Variants in EPB41L1 observed in about 807,000 individuals in gnomAD.
EPB41L1 encodes band 4.1-like protein 1.
EPB41L1 carries 29 observed loss-of-function variants against 97.8 expected under a neutral mutation model. That is an observed-to-expected ratio of 0.30 (90% confidence interval 0.22 to 0.40). The LOEUF (loss-of-function observed/expected upper bound fraction) is 0.40. Ranked by LOEUF, EPB41L1 falls within the 10% of genes least tolerant of loss-of-function variation. The probability of loss-of-function intolerance (pLI) is 1.00; values close to 1 mark genes in which losing one functional copy is unlikely to be tolerated. For synonymous variants in EPB41L1, 383 were observed against 459.2 expected, an observed-to-expected ratio of 0.83 and a Z score of 2.12; for missense variants, 812 against 1,162.3, an observed-to-expected ratio of 0.70 and a Z score of 4.38.
At chr20:36,155,899 T>TCCCAC (rs1259198595) in intron 1 of EPB41L1, 13 of 247,850 alleles carry the variant, frequency 5.2e-5, no homozygotes, top group Non-Finnish European at 9.9e-5. Context: ...TTGGCTTCAT[T>TCCCAC]CCCACCCCAT....
chr20:36,154,723 G>C, upstream of EPB41L1: 1 of 985,396 alleles, frequency 1.0e-6, no homozygotes, highest in Non-Finnish European at 1.2e-6. The surrounding 1 kb of genome is among the most constrained non-coding windows in gnomAD (Gnocchi z 5.5). Flanking sequence ...AGCCGCCGCC[G>C]CCGCCGCCGC....
At chr20:36,115,224 T>G (rs2058547711) in intron 2 of EPB41L1, among the ~76,000 whole-genome samples, 1 of 152,160 alleles carries the variant, frequency 6.6e-6, no homozygotes, top group Non-Finnish European at 1.5e-5. Flanking sequence ...TTTGAGTAAG[T>G]AAGGGAGCTG....
Position 36,198,025 on chromosome 20 carries a change from C to T in EPB41L1, c.1652C>T (p.Pro551Leu). Residue 551 changes from proline (P) to leucine (L), a missense_variant, in exon 14 of 22, where the codon CCT becomes CTT. Physicochemically the swap from Pro to Leu is moderately conservative, Grantham distance 98 (BLOSUM62 -3). Around this residue, in one of 3 missense-constraint regions of EPB41L1, gnomAD observed 498 missense variants for 622.7 expected, o/e 0.80. Coordinates refer to ENST00000338074, the MANE Select transcript of EPB41L1 (RefSeq NM_012156.2). Reference protein sequence around the residue: ...SPASPSPKGTPEKANERAGLR... With the variant: ...SPASPSPKGTLEKANERAGLR... ...GCCTCCCCCTCCCCCAAGGGCACCC[C>T]TGAGAAAGCCAATGAGGTAGGTGTC... is the stretch of plus-strand genomic sequence containing the variant. 2 of 1,613,578 alleles carry T rather than the reference C, an allele frequency of 1.2e-6. No individual in the cohort carries two copies. The highest frequency in any genetic ancestry group is 1.7e-6 in the Non-Finnish European group (2 of 1,179,972).
intron 1 of EPB41L1, among the ~76,000 whole-genome samples, chr20:36,102,037 A>AAAACAAAAC (rs775769530): frequency 0.011 from 1,639 of 147,680 alleles, 36 homozygotes; most frequent in African/African-American, 0.039. Flanking sequence ...AAAACAAAAC[A>AAAACAAAAC]AAAAAAACAA....
rs182670146 is a variant in EPB41L1 at position 36,195,797 on chromosome 20, G to A, written c.1485+433G>A. Reference sequence around the variant, plus strand: ...GTTTGGTCTCGCCTCCATCTCGTCTGTGTCCCCTGTGTCCTCACCCCTAGC... The same window carrying A: ...GTTTGGTCTCGCCTCCATCTCGTCTATGTCCCCTGTGTCCTCACCCCTAGC... On this transcript the variant is annotated intron_variant, in intron 13 of 21. Coordinates refer to ENST00000338074, the MANE Select transcript of EPB41L1 (RefSeq NM_012156.2). The surrounding 1 kb of genome is among the most constrained non-coding windows in gnomAD (Gnocchi z 4.6). Among the ~76,000 whole-genome samples the A allele has an allele frequency of 6.6e-6, 1 of 152,164 alleles. No individual in the cohort carries two copies. The highest frequency in any genetic ancestry group is 1.9e-4 in the East Asian group (1 of 5,174).
chr20:36,192,359 C>T (rs181857926), intron 11 of EPB41L1, among the ~76,000 whole-genome samples: 58 of 152,020 alleles, frequency 3.8e-4, no homozygotes, highest in Non-Finnish European at 1.2e-4. Flanking sequence ...GGTGAAACCT[C>T]GTCTCTACTA....
chr20:36,193,722 G>A (rs935329131), intron 11 of EPB41L1, among the ~76,000 whole-genome samples: 3 of 152,194 alleles, frequency 2.0e-5, no homozygotes, highest in African/African-American at 7.2e-5. Flanking sequence ...CACAATATTT[G>A]TGTGTTGCTA....
chr20:36,099,030 G>A (rs184984133), intron 1 of EPB41L1, among the ~76,000 whole-genome samples: 4 of 152,240 alleles, frequency 2.6e-5, no homozygotes, highest in East Asian at 1.9e-4. Flanking sequence ...TTAGCCAGGC[G>A]TGGTGGCGGG....
chr20:36,209,776 G>A lies in EPB41L1; in HGVS notation c.1957G>A (p.Glu653Lys). 1 of 1,614,098 alleles carries A rather than the reference G, an allele frequency of 6.2e-7. No homozygotes were observed. The highest frequency in any genetic ancestry group is 2.2e-5 in the East Asian group (1 of 44,884). The change falls in exon 15 of 22, where the codon GAG becomes AAG. Residue 653 changes from glutamate (E) to lysine (K), a missense_variant. Physicochemically the swap from Glu to Lys is moderately conservative, Grantham distance 56. Transcript: ENST00000338074. This position sits in a 1 kb window ranked among gnomAD's most constrained non-coding sequence, Gnocchi z 4.2. Reference sequence around the variant, plus strand: ...CCGGGACAAAAGCGACTCGGACACTGAGGGCCTGCTGTTCTCCCGGGATCT... The same window carrying A: ...CCGGGACAAAAGCGACTCGGACACTAAGGGCCTGCTGTTCTCCCGGGATCT... Reference protein sequence around the residue: ...LDRDKSDSDTEGLLFSRDLNK... With the variant: ...LDRDKSDSDTKGLLFSRDLNK...
chr20:36,103,704 CTTT>C (rs398038437), intron 1 of EPB41L1, among the ~76,000 whole-genome samples: 3 of 135,740 alleles, frequency 2.2e-5, no homozygotes, highest in Admixed American at 7.3e-5. Context: ...CTTTTTCTTT[CTTT>C]TTTTTTTTTT....
In EPB41L1 at chr20:36,093,126, C is replaced by T. The variant is rs1432665290; in HGVS notation, c.-65+1514C>T. On this transcript the variant is annotated intron_variant, in intron 1 of 19. Transcript: ENST00000202028. The surrounding 1 kb of genome is among the most constrained non-coding windows in gnomAD (Gnocchi z 5.4). ...TGCGCCGGGTGTGCATCTGTGTGTG[C>T]GTGTGTGAGGGTGTGTGCCTTGCGT... Among the ~76,000 whole-genome samples, 1 of 150,206 alleles carries T rather than the reference C, an allele frequency of 6.7e-6. No homozygotes were observed. Among genetic ancestry groups the T allele is most frequent in the Non-Finnish European group, 1.5e-5 (1 of 67,528 alleles).
At chr20:36,098,146 C>T (rs1156409203) in intron 1 of EPB41L1, among the ~76,000 whole-genome samples, 1 of 152,132 alleles carries the variant, frequency 6.6e-6, no homozygotes, top group Non-Finnish European at 1.5e-5. Flanking sequence ...AGCCTGTCTT[C>T]AGCCTGGTTT....
In EPB41L1 at chr20:36,197,839, C is replaced by T. The variant is rs1390989446; in HGVS notation, c.1486-20C>T. The T allele has an allele frequency of 6.2e-7, 1 of 1,614,120 alleles. No individual in the cohort carries two copies. The highest frequency in any genetic ancestry group is 8.5e-7 in the Non-Finnish European group (1 of 1,180,012). On this transcript the variant is annotated intron_variant, in intron 13 of 21. Coordinates refer to ENST00000338074, the MANE Select transcript of EPB41L1 (RefSeq NM_012156.2). ...TGGAGCTGTTCCCCTAACACCACCACCCTCTCCATCTATCCCTAGTTCTTA... is the reference window on the plus strand; with the variant it reads ...TGGAGCTGTTCCCCTAACACCACCATCCTCTCCATCTATCCCTAGTTCTTA...
chr20:36,107,156 CCCTT>C (rs2058216340), intron 1 of EPB41L1, among the ~76,000 whole-genome samples: 1 of 151,116 alleles, frequency 6.6e-6, no homozygotes, highest in South Asian at 2.1e-4. Context: ...AAAGAATGCT[CCCTT>C]CATTTATTGA....
chr20:36,109,291 C>T (rs1370199617), intron 1 of EPB41L1, among the ~76,000 whole-genome samples: 1 of 152,116 alleles, frequency 6.6e-6, no homozygotes, highest in Non-Finnish European at 1.5e-5. Context: ...TGGTCTGGGT[C>T]CTCATCCTGG....
rs559405041 is a variant in EPB41L1 at position 36,137,510 on chromosome 20, C to T, written c.-10+25030C>T. Among the ~76,000 whole-genome samples the T allele has an allele frequency of 1.6e-3, 241 of 152,178 alleles. 1 individual carries two copies. Among genetic ancestry groups the T allele is most frequent in the African/African-American group, 5.5e-3 (229 of 41,532 alleles). The stretch of plus-strand genomic sequence containing the variant: ...TGCTGAGATTATAGGCATGAGTCAC[C>T]GCACCCAGCCTGAATACTTTTTTTA... On this transcript the variant is annotated intron_variant, in intron 2 of 19. Coordinates refer to the EPB41L1 transcript ENST00000202028.
In EPB41L1 at chr20:36,190,903, C is replaced by A; in HGVS notation, c.1300+106C>A. ...TGAGCAGGAAAATGGTAGATGCATCCCAAGTTCATCTGCACCAGGCTGGCC... is the reference window on the plus strand; with the variant it reads ...TGAGCAGGAAAATGGTAGATGCATCACAAGTTCATCTGCACCAGGCTGGCC... On this transcript the variant is annotated intron_variant, in intron 11 of 21. Transcript: ENST00000338074. The surrounding 1 kb of genome is among the most constrained non-coding windows in gnomAD (Gnocchi z 5.8). 6.9e-7 allele frequency: 1 copy of A among 1,443,234 alleles called. No homozygotes were observed. The highest frequency in any genetic ancestry group is 2.4e-5 in the East Asian group (1 of 41,172). The allele number at this position is 1,443,234 out of a possible 1,614,324, so 89.4% of individuals were successfully genotyped here.
At chr20:36,199,894 T>C (rs1012744208) in intron 14 of EPB41L1, among the ~76,000 whole-genome samples, 3 of 152,156 alleles carry the variant, frequency 2.0e-5, no homozygotes, top group Non-Finnish European at 4.4e-5. Flanking sequence ...TGTCTCAGTG[T>C]AGCCTGGTGT....
rs139874413 is a variant in EPB41L1, at chr20:36,219,845, G to A, written c.2439+1G>A. ...CTCCACCACCACCCATGTCACCAAAGTGAGTAGCAGCAGGGCGCCCCATGC... is the reference window on the plus strand; with the variant it reads ...CTCCACCACCACCCATGTCACCAAAATGAGTAGCAGCAGGGCGCCCCATGC... On this transcript the variant is annotated splice_donor_variant, in intron 19 of 21. Coordinates refer to ENST00000338074, the MANE Select transcript of EPB41L1 (RefSeq NM_012156.2). LOFTEE classifies it high-confidence loss of function. The A allele has an allele frequency of 6.2e-6, 10 of 1,614,042 alleles. No homozygotes were observed. Among genetic ancestry groups the A allele is most frequent in the Non-Finnish European group, 8.5e-6 (10 of 1,179,972 alleles).
Sources: gnomAD v4.1 joint callset for allele counts (sites outside exome capture counted in the v4.1 genomes callset) on GRCh38, gnomAD v4.1.1 for gene constraint, gnomAD v4.1.1 regional missense constraint, Gnocchi (gnomAD v3.1) non-coding constraint, MANE v1.5 for transcripts, NCBI Gene and HGNC (gene_info 2026-07-23, HGNC 2026-07-21) for gene names.